Variants in SPOP observed in about 807,000 individuals in gnomAD.
The protein encoded by SPOP is speckle-type POZ protein.
A neutral mutation model predicts 45.6 loss-of-function variants in SPOP; 11 were observed. The observed-to-expected ratio is 0.24, with a 90% CI of 0.15 to 0.40. SPOP has a LOEUF of 0.40. Ranked by LOEUF, SPOP falls within the 10% of genes least tolerant of loss-of-function variation. The probability of loss-of-function intolerance (pLI) is 1.00; values close to 1 mark genes in which losing one functional copy is unlikely to be tolerated. For synonymous variants in SPOP, 166 were observed against 166.3 expected (o/e 1.00, Z 0.01); for missense variants, 152 against 465.6 (o/e 0.33, Z 6.20).
In SPOP at chr17:49,599,233, C is replaced by T. The variant is rs2071694885; in HGVS notation, c.*1145G>A. 4.5e-6 allele frequency: 1 copy of T among 221,380 alleles called. No individual in the cohort carries two copies. Among genetic ancestry groups the T allele is most frequent in the African/African-American group, 2.2e-5 (1 of 44,542 alleles). The allele number at this position is 221,380 out of a possible 1,614,324, so 13.7% of individuals were successfully genotyped here. On this transcript the variant is annotated 3_prime_UTR_variant, in exon 10 of 10. Coordinates refer to ENST00000504102, the MANE Select transcript of SPOP (RefSeq NM_001007228.2). ...AAATCCCTTAAGCAAGGGACTCAGA[C>T]CCAAGAGACAAGGCAGGTGAGTGAA... is the stretch of plus-strand genomic sequence containing the variant.
chr17:49,664,243 T>C lies in SPOP; in HGVS notation c.-67+13690A>G, dbSNP rs190747246. Among the ~76,000 whole-genome samples, 255 of 152,324 alleles carry C rather than the reference T, an allele frequency of 1.7e-3. 2 individuals are homozygous for C. Among genetic ancestry groups the C allele is most frequent in the African/African-American group, 5.9e-3 (247 of 41,570 alleles). The stretch of plus-strand genomic sequence containing the variant: ...AAAAGGCTATAAAATACTTCTCCCT[T>C]TTCCAACTACATGTTCTTTCAGGCC... On this transcript the variant is annotated intron_variant, in intron 1 of 9. Coordinates refer to ENST00000504102, the MANE Select transcript of SPOP (RefSeq NM_001007228.2).
At chr17:49,676,549 A>G (rs2073201918) in intron 1 of SPOP, among the ~76,000 whole-genome samples, 1 of 152,202 alleles carries the variant, frequency 6.6e-6, no homozygotes, top group African/African-American at 2.4e-5. Flanking sequence ...AACTAAAGAG[A>G]ATTGAAAGTA....
chr17:49,602,182 G>T, intron 8 of SPOP, 175 bp from the exon 9 acceptor site: 1 of 669,290 alleles, frequency 1.5e-6, no homozygotes, highest in Non-Finnish European at 2.3e-6. Flanking sequence ...AAGGTTAGAT[G>T]TTTAAGCTTG....
intron 1 of SPOP, among the ~76,000 whole-genome samples, chr17:49,659,565 T>C (rs533594637): frequency 6.6e-6 from 1 of 152,346 alleles, no homozygotes; most frequent in South Asian, 2.1e-4. Flanking sequence ...TTAGCACCAA[T>C]TCTTGTTCAG....
chr17:49,664,459 TTTA>T (rs1265103692), intron 1 of SPOP, among the ~76,000 whole-genome samples: 4 of 152,124 alleles, frequency 2.6e-5, no homozygotes, highest in Admixed American at 2.6e-4. Context: ...ACGAGAAAGG[TTTA>T]TTATTTTATA....
At chr17:49,609,658 T>C (rs1159050460) in intron 6 of SPOP, among the ~76,000 whole-genome samples, 1 of 152,088 alleles carries the variant, frequency 6.6e-6, no homozygotes, top group Admixed American at 6.6e-5. Context: ...CAGTAGATCA[T>C]GTAATTTTGA....
intron 5 of SPOP, 61 bp downstream of exon 5, chr17:49,618,920 A>G (rs1041177741): frequency 6.5e-7 from 1 of 1,539,716 alleles, no homozygotes; most frequent in African/African-American, 1.4e-5. Context: ...CAATATAATT[A>G]AGTCTACCAA....
intron 1 of SPOP, among the ~76,000 whole-genome samples, chr17:49,654,132 T>C (rs2072877295): frequency 6.6e-6 from 1 of 152,202 alleles, no homozygotes; most frequent in African/African-American, 2.4e-5. Flanking sequence ...TCTTTGTCTT[T>C]GTCACTGACA....
intron 1 of SPOP, among the ~76,000 whole-genome samples, chr17:49,674,414 A>G (rs2073174922): frequency 1.3e-5 from 2 of 152,092 alleles, no homozygotes; most frequent in African/African-American, 2.4e-5. Flanking sequence ...CAGGTTTTCT[A>G]TTTCTTCATG....
intron 1 of SPOP, among the ~76,000 whole-genome samples, chr17:49,652,333 G>A (rs1286617202): frequency 6.6e-6 from 1 of 152,196 alleles, no homozygotes; most frequent in African/African-American, 2.4e-5. Flanking sequence ...CTTAACATTA[G>A]TAAATGTGTT....
At chr17:49,668,595 A>G (rs117436563) in intron 1 of SPOP, among the ~76,000 whole-genome samples, 1,654 of 152,204 alleles carry the variant, frequency 0.011, 30 homozygotes, top group East Asian at 0.09. Context: ...GTAATGTTTT[A>G]TTCACTAGAA....
At chr17:49,675,816 G>A (rs2073191851) in intron 1 of SPOP, 1 of 152,206 alleles carries the variant, frequency 6.6e-6, no homozygotes, top group African/African-American at 2.4e-5. Flanking sequence ...GAGGTCAGGA[G>A]TTCGAGACCA....
intron 1 of SPOP, chr17:49,646,715 G>C (rs571405173): frequency 2.0e-5 from 3 of 152,168 alleles, no homozygotes; most frequent in Admixed American, 1.3e-4. Flanking sequence ...ATTTTCAACA[G>C]CTCTGTGAGG....
At chr17:49,671,145 A>T (rs756673929) in intron 1 of SPOP, among the ~76,000 whole-genome samples, 1 of 152,102 alleles carries the variant, frequency 6.6e-6, no homozygotes, top group African/African-American at 2.4e-5. Context: ...CAAGACAAGG[A>T]AGCTGTGAGT....
At chr17:49,622,390 T>C in intron 2 of SPOP, 2 of 520,802 alleles carry the variant, frequency 3.8e-6, no homozygotes, top group Non-Finnish European at 7.1e-6. Context: ...TTAAAATGGG[T>C]CTCTGTTATT....
intron 8 of SPOP, among the ~76,000 whole-genome samples, chr17:49,603,525 T>C (rs2071778127): frequency 6.6e-6 from 1 of 152,190 alleles, no homozygotes; most frequent in Non-Finnish European, 1.5e-5. Flanking sequence ...GAGATGGAAA[T>C]TGTGTCTCCC....
chr17:49,664,197 A>G (rs548115860), intron 1 of SPOP, among the ~76,000 whole-genome samples: 2 of 152,356 alleles, frequency 1.3e-5, no homozygotes, highest in East Asian at 3.9e-4. Flanking sequence ...AGTATCAGAG[A>G]AGAATATGCA....
At chr17:49,657,549 C>T (rs1434760200) in intron 1 of SPOP, among the ~76,000 whole-genome samples, 1 of 151,394 alleles carries the variant, frequency 6.6e-6, no homozygotes, top group Admixed American at 6.6e-5. Flanking sequence ...CATGCACCCG[C>T]CACCACGCCC....
At chr17:49,652,324 TTAACA>T (rs1214168623) in intron 1 of SPOP, among the ~76,000 whole-genome samples, 1 of 152,226 alleles carries the variant, frequency 6.6e-6, no homozygotes, top group Non-Finnish European at 1.5e-5. Context: ...ACAACTAATC[TTAACA>T]TTAGTAAATG....
Sources: allele counts gnomAD v4.1 joint callset (sites outside exome capture counted in the v4.1 genomes callset), GRCh38; gene constraint gnomAD v4.1.1; transcripts MANE v1.5; gene names NCBI Gene and HGNC (gene_info 2026-07-23, HGNC 2026-07-21).